AFF3: variants seen among roughly 807,000 people sequenced by gnomAD.
The protein encoded by AFF3 is ALF transcription elongation factor 3.
Under a neutral mutation model 129.7 loss-of-function variants are expected in AFF3, and 32 were observed. That is an observed-to-expected ratio of 0.25 (90% CI 0.19 to 0.33). The LOEUF (loss-of-function observed/expected upper bound fraction) is 0.33, where lower values mean the gene tolerates loss of function less well. Among genes scored for constraint, AFF3 ranks in the 10% least tolerant of loss-of-function variants. AFF3 has a pLI of 1.00. For synonymous variants in AFF3, 644 were observed against 635.4 expected, an observed-to-expected ratio of 1.01 and a Z score of -0.20; for missense variants, 1,373 against 1,592.0, an observed-to-expected ratio of 0.86 and a Z score of 2.34.
chr2:99,796,214 C>A (rs1685547593), intron 8 of AFF3, among the ~76,000 whole-genome samples: 1 of 152,116 alleles, frequency 6.6e-6, no homozygotes, highest in African/African-American at 2.4e-5. Flanking sequence ...TGGTGAGGCT[C>A]AAGTTGGCAA....
chr2:99,545,603 C>G lies in AFF3; in HGVS notation c.*5871G>C, dbSNP rs1305195812. On this transcript the variant is annotated 3_prime_UTR_variant, in exon 25 of 25. Transcript: ENST00000672756. Reference sequence around the variant, plus strand: ...TCAGCTTTTCAGGCTACATCAATACCCCTGGTGCTTCAACACAAATGCTGA... The same window carrying G: ...TCAGCTTTTCAGGCTACATCAATACGCCTGGTGCTTCAACACAAATGCTGA... The G allele has an allele frequency of 6.5e-6, 1 of 153,854 alleles. No individual in the cohort carries two copies. Among genetic ancestry groups the G allele is most frequent in the Admixed American group, 6.5e-5 (1 of 15,284 alleles). 9.5% of individuals were successfully genotyped at this position (153,854 alleles called of 1,614,324 possible). A position where few individuals can be genotyped will look rare whatever the true frequency, so the allele number is the denominator to read the frequency against.
intron 9 of AFF3, 26 bp from the exon 10 acceptor site, chr2:99,744,166 A>T: frequency 6.3e-7 from 1 of 1,594,964 alleles, no homozygotes; most frequent in Non-Finnish European, 8.6e-7. Flanking sequence ...ATATCAATTA[A>T]TTTTCTTATT....
At chr2:99,580,722 G>C in intron 17 of AFF3, 1 of 159,274 alleles carries the variant, frequency 6.3e-6, no homozygotes, top group Non-Finnish European at 1.4e-5. Flanking sequence ...GTGAAAACCC[G>C]TCTCTACTAA....
chr2:99,707,484 C>T (rs772088721), intron 11 of AFF3: 144 of 985,284 alleles, frequency 1.5e-4, no homozygotes, highest in Non-Finnish European at 1.7e-4. Context: ...AGGTTATCCA[C>T]GAAGTTTCAA....
chr2:99,676,543 C>A (rs570907950), intron 11 of AFF3, among the ~76,000 whole-genome samples: 1 of 152,206 alleles, frequency 6.6e-6, no homozygotes, highest in Admixed American at 6.5e-5. Flanking sequence ...CGGGACCTTA[C>A]GCCAGGGAGC....
At chr2:99,972,902 G>A (rs779229647) in intron 7 of AFF3, among the ~76,000 whole-genome samples, 19 of 152,148 alleles carry the variant, frequency 1.2e-4, no homozygotes, top group Non-Finnish European at 1.5e-4. Context: ...GGTACGCTGC[G>A]TTGCTTTCTT....
intron 8 of AFF3, among the ~76,000 whole-genome samples, chr2:99,802,986 A>C (rs899960733): frequency 6.6e-6 from 1 of 152,126 alleles, no homozygotes; most frequent in African/African-American, 2.4e-5. Context: ...TACGACTTCC[A>C]GTGCTATCCT....
At chr2:100,123,010 T>C (rs1480969427) in intron 2 of AFF3, among the ~76,000 whole-genome samples, 3 of 152,200 alleles carry the variant, frequency 2.0e-5, no homozygotes, top group African/African-American at 7.2e-5. Context: ...TTTTTATGAG[T>C]AATTTTCTAA....
intron 13 of AFF3, among the ~76,000 whole-genome samples, chr2:99,629,740 C>G (rs6758378): frequency 0.16 from 24,649 of 152,168 alleles, 2,487 homozygotes; most frequent in South Asian, 0.29. Context: ...GGAGGCTCCT[C>G]GTCCCGGTGT....
intron 12 of AFF3, among the ~76,000 whole-genome samples, chr2:99,669,500 C>T (rs933205944): frequency 6.6e-6 from 1 of 152,018 alleles, no homozygotes. Context: ...ATACAAAGTG[C>T]AAAAATAAGC....
chr2:99,757,992 C>T (rs1398596899), intron 8 of AFF3, among the ~76,000 whole-genome samples: 2 of 152,194 alleles, frequency 1.3e-5, no homozygotes, highest in African/African-American at 4.8e-5. Context: ...CCCCTCAAGG[C>T]TGTGTATTTT....
intron 7 of AFF3, among the ~76,000 whole-genome samples, chr2:99,894,254 C>T (rs1429154395): frequency 6.7e-6 from 1 of 150,252 alleles, no homozygotes; most frequent in African/African-American, 2.5e-5. Flanking sequence ...ATATTTATGG[C>T]TACATGTGCA....
chr2:100,009,912 C>T (rs1344202288), intron 4 of AFF3, among the ~76,000 whole-genome samples: 1 of 152,182 alleles, frequency 6.6e-6, no homozygotes, highest in Non-Finnish European at 1.5e-5. Context: ...CTCTGTCCTC[C>T]TTTCCCAGCA....
chr2:100,014,599 C>T (rs1015927309), intron 4 of AFF3, among the ~76,000 whole-genome samples: 6 of 152,090 alleles, frequency 3.9e-5, no homozygotes, highest in African/African-American at 1.4e-4. Context: ...AGGGGTAGCA[C>T]AAGGAATCAG....
At chr2:100,038,205 T>C (rs988668945) in intron 4 of AFF3, among the ~76,000 whole-genome samples, 1 of 152,048 alleles carries the variant, frequency 6.6e-6, no homozygotes, top group Non-Finnish European at 1.5e-5. Flanking sequence ...TCAGCTGGGC[T>C]GGCACATCTA....
chr2:99,648,917 A>ACACACACACACACACTCTCTCTCT, intron 13 of AFF3, among the ~76,000 whole-genome samples: 8 of 46,860 alleles, frequency 1.7e-4, no homozygotes, highest in Non-Finnish European at 2.7e-4. Context: ...ACACACACAC[A>ACACACACACACACACTCTCTCTCT]CTCTCTCTCT....
At chr2:99,590,823 G>A (rs1294096522) in intron 15 of AFF3, among the ~76,000 whole-genome samples, 1 of 151,876 alleles carries the variant, frequency 6.6e-6, no homozygotes, top group African/African-American at 2.4e-5. Context: ...GTGAAACCCC[G>A]TCTGTACTAA....
intron 14 of AFF3, among the ~76,000 whole-genome samples, chr2:99,600,366 G>C (rs1450719540): frequency 6.6e-6 from 1 of 152,118 alleles, no homozygotes; most frequent in East Asian, 1.9e-4. Flanking sequence ...AAGTAGGGAG[G>C]GGAAAAACCT....
chr2:100,008,899 C>A lies in AFF3; in HGVS notation c.87G>T (p.Arg29Ser), dbSNP rs1435629701. Residue 29 changes from arginine to serine, a missense_variant, in exon 5 of 25, where the codon AGG becomes AGT. By Grantham distance (110) the Arg-to-Ser change is moderately radical. Around this residue, in one of 9 missense-constraint regions of AFF3, gnomAD observed 255 missense variants for 256.0 expected, o/e 1.00. Transcript: ENST00000672756. ...VYEPDRNALR[R>S]KERERRNQET... ...CTTGATTTCTTCTTTCTCGTTCTTT[C>A]CTCCGTAATGCATTTCTATCTGGTT... 1.9e-6 allele frequency: 3 copies of A among 1,613,992 alleles called. No individual in the cohort carries two copies. The highest frequency in any genetic ancestry group is 2.5e-6 in the Non-Finnish European group (3 of 1,179,948).
Sources: gnomAD v4.1 joint callset for allele counts (sites outside exome capture counted in the v4.1 genomes callset) on GRCh38, gnomAD v4.1.1 for gene constraint, gnomAD v4.1.1 regional missense constraint, MANE v1.5 for transcripts, NCBI Gene and HGNC (gene_info 2026-07-23, HGNC 2026-07-21) for gene names.